Variants in BMPR1B observed in about 807,000 individuals in gnomAD.
The protein encoded by BMPR1B is bone morphogenetic protein receptor type-1B.
A neutral mutation model predicts 59.1 loss-of-function variants in BMPR1B; 12 were observed. That is an observed-to-expected ratio of 0.20 (90% CI 0.13 to 0.33). The LOEUF is 0.33. Ranked by LOEUF, BMPR1B falls within the 10% of genes least tolerant of loss-of-function variation. The pLI is 1.00. For synonymous variants in BMPR1B, 237 were observed against 207.3 expected (o/e 1.14, Z -1.23); for missense variants, 550 against 610.9 (o/e 0.90, Z 1.05).
At position 94,758,032 on chromosome 4, in the gene BMPR1B, G is replaced by A. The variant is rs984403204; in HGVS notation, c.-219G>A. On this transcript the variant is annotated 5_prime_UTR_variant, in exon 1 of 13. Transcript: ENST00000515059. ...GGACGCCGGGCAGTGCGGAGACCGC[G>A]GCGCTGAGGACGCGGGAGCCGGGAG... 1 of 147,546 alleles carries A rather than the reference G, an allele frequency of 6.8e-6. No individual in the cohort carries two copies. The highest frequency in any genetic ancestry group is 2.5e-5 in the African/African-American group (1 of 40,708). 9.1% of individuals were successfully genotyped at this position (147,546 alleles called of 1,614,324 possible). A position where few individuals can be genotyped will look rare whatever the true frequency, so the allele number is the denominator to read the frequency against.
chr4:95,137,532 G>T (rs968196019), intron 10 of BMPR1B, among the ~76,000 whole-genome samples: 1 of 152,114 alleles, frequency 6.6e-6, no homozygotes, highest in African/African-American at 2.4e-5. Flanking sequence ...CATTATTATT[G>T]TGTGGGAGTC....
chr4:95,049,077 T>C (rs527271718), intron 3 of BMPR1B, among the ~76,000 whole-genome samples: 1 of 152,266 alleles, frequency 6.6e-6, no homozygotes, highest in Admixed American at 6.5e-5. Context: ...CTCACCTAGT[T>C]GGAAGGTGAG....
At chr4:94,891,095 A>G (rs1727375145) in intron 2 of BMPR1B, among the ~76,000 whole-genome samples, 1 of 152,086 alleles carries the variant, frequency 6.6e-6, no homozygotes, top group Non-Finnish European at 1.5e-5. Flanking sequence ...TTATTGAGAT[A>G]TTATCTTTAT....
chr4:94,981,898 A>G (rs567448962), intron 2 of BMPR1B, among the ~76,000 whole-genome samples: 2 of 152,358 alleles, frequency 1.3e-5, no homozygotes, highest in East Asian at 3.9e-4. Context: ...AACTCTTACC[A>G]GAATTACATG....
intron 10 of BMPR1B, among the ~76,000 whole-genome samples, chr4:95,141,237 G>A (rs1194665408): frequency 2.6e-5 from 4 of 152,130 alleles, no homozygotes; most frequent in East Asian, 1.9e-4. Flanking sequence ...CTTGCTTTAT[G>A]TGTTTCTTTA....
chr4:95,055,378 A>G (rs1204938148), intron 3 of BMPR1B, among the ~76,000 whole-genome samples: 1 of 152,198 alleles, frequency 6.6e-6, no homozygotes, highest in Non-Finnish European at 1.5e-5. Flanking sequence ...TTAGAATGAT[A>G]ATATTGCTAT....
At chr4:94,981,820 A>G (rs572131436) in intron 2 of BMPR1B, among the ~76,000 whole-genome samples, 31 of 152,288 alleles carry the variant, frequency 2.0e-4, no homozygotes, top group Admixed American at 6.5e-4. Context: ...TTAGGTTCCA[A>G]TAGTTTCAGT....
chr4:94,912,818 A>C (rs1166225626), intron 2 of BMPR1B, among the ~76,000 whole-genome samples: 1 of 152,110 alleles, frequency 6.6e-6, no homozygotes, highest in African/African-American at 2.4e-5. Context: ...GTGTTATTAC[A>C]ACTAGCCGTA....
At chr4:94,815,703 C>T (rs1723985872) in intron 1 of BMPR1B, among the ~76,000 whole-genome samples, 1 of 152,198 alleles carries the variant, frequency 6.6e-6, no homozygotes, top group African/African-American at 2.4e-5. Flanking sequence ...CTACTCTAAG[C>T]ATTGGATTCC....
At chr4:94,969,115 A>G (rs34412283) in intron 2 of BMPR1B, among the ~76,000 whole-genome samples, 37,739 of 151,508 alleles carry the variant, frequency 0.25, 4,714 homozygotes, top group South Asian at 0.37. Context: ...GCTCACTGCA[A>G]CCGCCACCTC....
intron 1 of BMPR1B, among the ~76,000 whole-genome samples, chr4:94,845,726 T>G (rs1578712887): frequency 6.6e-6 from 1 of 152,230 alleles, no homozygotes; most frequent in Admixed American, 6.5e-5. Context: ...AGCTAAAGTT[T>G]TTATCTCTTA....
chr4:95,126,039 G>A (rs1732881809), intron 8 of BMPR1B, among the ~76,000 whole-genome samples: 1 of 152,100 alleles, frequency 6.6e-6, no homozygotes, highest in Non-Finnish European at 1.5e-5. Flanking sequence ...TCCAACTCAT[G>A]GCTCAAGGCC....
intron 6 of BMPR1B, 100 bp downstream of exon 6, chr4:95,115,887 C>T: frequency 9.2e-7 from 1 of 1,084,608 alleles, no homozygotes; most frequent in Non-Finnish European, 1.4e-6. Context: ...GTACCACTTT[C>T]CACTGCTGGA....
chr4:94,767,942 C>T (rs908588585), intron 1 of BMPR1B, among the ~76,000 whole-genome samples: 4 of 151,652 alleles, frequency 2.6e-5, no homozygotes, highest in Admixed American at 6.6e-5. Flanking sequence ...ATCATTTCAC[C>T]ATTCTGTGAA....
chr4:94,773,287 C>A (rs1435970384), intron 1 of BMPR1B, among the ~76,000 whole-genome samples: 1 of 152,026 alleles, frequency 6.6e-6, no homozygotes, highest in Non-Finnish European at 1.5e-5. Flanking sequence ...TCATTAGTTC[C>A]TTTAGAGCAA....
intron 2 of BMPR1B, among the ~76,000 whole-genome samples, chr4:94,890,620 T>C (rs887538786): frequency 6.6e-6 from 1 of 152,078 alleles, no homozygotes; most frequent in Admixed American, 6.6e-5. Flanking sequence ...AGTTTATTTT[T>C]TTCCACAGTT....
At chr4:94,957,857 T>C (rs1031814570) in intron 2 of BMPR1B, among the ~76,000 whole-genome samples, 7 of 152,130 alleles carry the variant, frequency 4.6e-5, no homozygotes, top group Non-Finnish European at 1.0e-4. Flanking sequence ...AACCTTTTTA[T>C]TAGGTTGTAT....
At chr4:94,836,100 T>G (rs1355612526) in intron 1 of BMPR1B, among the ~76,000 whole-genome samples, 1 of 148,616 alleles carries the variant, frequency 6.7e-6, no homozygotes, top group Non-Finnish European at 1.5e-5. Flanking sequence ...CATCATTTTT[T>G]ATGGCTGCAT....
Position 94,828,215 on chromosome 4 carries a change from C to G in BMPR1B, c.-182-47616C>G, listed in dbSNP as rs145743221. ...ATTAATAACTAAAACATTGTGTGAT[C>G]TTGATATTTACCTCACACCCAGAAC... On this transcript the variant is annotated intron_variant, in intron 1 of 12. Transcript: ENST00000515059. Among the ~76,000 whole-genome samples the G allele has an allele frequency of 6.6e-5, 10 of 152,216 alleles. No individual in the cohort carries two copies. In the East Asian group the frequency reaches 1.9e-3, roughly 29 times the overall value.
Sources: allele counts gnomAD v4.1 joint callset (sites outside exome capture counted in the v4.1 genomes callset), GRCh38; gene constraint gnomAD v4.1.1; transcripts MANE v1.5; gene names NCBI Gene and HGNC (gene_info 2026-07-23, HGNC 2026-07-21).